The following USP6NL variants were observed in gnomAD, a reference collection of about 807,000 sequenced individuals.
USP6NL encodes the protein USP6 N-terminal like, also known as USP6 N-terminal-like protein.
USP6NL carries 26 observed loss-of-function variants against 61.9 expected under a neutral mutation model. The observed-to-expected ratio is 0.42, with a 90% confidence interval of 0.31 to 0.58. The LOEUF (loss-of-function observed/expected upper bound fraction) is 0.58. Among genes scored for constraint, USP6NL ranks in the 20% least tolerant of loss-of-function variants. The probability of loss-of-function intolerance (pLI) is 0.16; values close to 1 mark genes in which losing one functional copy is unlikely to be tolerated. For missense variants in USP6NL, 1,114 were observed against 1,034.3 expected, an observed-to-expected ratio of 1.08 and a Z score of -1.06; for synonymous variants, 432 against 390.1, an observed-to-expected ratio of 1.11 and a Z score of -1.27.
intron 14 of USP6NL, among the ~76,000 whole-genome samples, chr10:11,475,339 GGCTCA>G (rs1308863914): frequency 6.6e-6 from 1 of 151,382 alleles, no homozygotes; most frequent in Non-Finnish European, 1.5e-5. Context: ...TGGGTGCGGT[GGCTCA>G]CGCCTGTAAT....
rs546539798 is a variant in USP6NL at position 11,499,686 on chromosome 10, T to G, written c.384+1415A>C. On this transcript the variant is annotated intron_variant, in intron 7 of 14. Coordinates refer to ENST00000609104, the MANE Select transcript of USP6NL (RefSeq NM_014688.5). The surrounding 1 kb of genome is among the most constrained non-coding windows in gnomAD (Gnocchi z 4.5). ...CGATGCCAAAATGCACTAAGGATGG[T>G]AGGCCACCACCAGAGGCTGGAGGAG... 1.3e-5 allele frequency among the ~76,000 whole-genome samples: 2 copies of G among 152,252 alleles called. No homozygotes were observed. The highest frequency in any genetic ancestry group is 3.9e-4 in the East Asian group (2 of 5,176).
At position 11,562,308 on chromosome 10, in the gene USP6NL, G is replaced by A. The variant is rs1836972091; in HGVS notation, c.5-34741C>T. On this transcript the variant is annotated intron_variant, in intron 2 of 14. Coordinates refer to ENST00000609104, the MANE Select transcript of USP6NL (RefSeq NM_014688.5). The surrounding 1 kb of genome is among the most constrained non-coding windows in gnomAD (Gnocchi z 4.8). ...CATTCCCAGGACCCCCCTGCAGCTA[G>A]CAGCAGCCATGTGACACAGTTCCGG... The A allele has an allele frequency of 1.2e-6, 1 of 852,332 alleles. No individual in the cohort carries two copies. The highest frequency in any genetic ancestry group is 1.8e-5 in the African/African-American group (1 of 54,502). The allele number at this position is 852,332 out of a possible 1,614,324, so 52.8% of individuals were successfully genotyped here. A position where few individuals can be genotyped will look rare whatever the true frequency, so the allele number is the denominator to read the frequency against.
chr10:11,484,799 A>G (rs1747760680), intron 13 of USP6NL, among the ~76,000 whole-genome samples, 172 bp downstream of exon 13: 1 of 152,248 alleles, frequency 6.6e-6, no homozygotes, highest in Non-Finnish European at 1.5e-5. Flanking sequence ...AGTCATGAGA[A>G]AGAACTTACA....
In USP6NL at chr10:11,461,088, G is replaced by A. The variant is rs572477933; in HGVS notation, c.*1353C>T. 4.7e-4 allele frequency: 72 copies of A among 152,518 alleles called. 1 individual carries two copies. The highest frequency in any genetic ancestry group is 1.0e-3 in the Non-Finnish European group (68 of 68,022). 9.4% of individuals were successfully genotyped at this position (152,518 alleles called of 1,614,324 possible). On this transcript the variant is annotated 3_prime_UTR_variant, in exon 15 of 15. Coordinates refer to ENST00000609104, the MANE Select transcript of USP6NL (RefSeq NM_014688.5). ...CCTTGCAACAGGAAGAAACATCAAT[G>A]TCGGGTTTTCTACTATTCAAATATA...
chr10:11,569,261 A>C (rs1837275336), intron 2 of USP6NL, among the ~76,000 whole-genome samples: 1 of 152,182 alleles, frequency 6.6e-6, no homozygotes, highest in African/African-American at 2.4e-5. Flanking sequence ...AAATATCTGA[A>C]AGGGTTCATT....
At chr10:11,568,718 C>T (rs1837256462) in intron 2 of USP6NL, among the ~76,000 whole-genome samples, 1 of 152,164 alleles carries the variant, frequency 6.6e-6, no homozygotes, top group Non-Finnish European at 1.5e-5. Context: ...AGAAGACTAG[C>T]CTCCTATGTT....
At chr10:11,582,222 TC>T (rs36074584) in intron 2 of USP6NL, among the ~76,000 whole-genome samples, 6 of 152,256 alleles carry the variant, frequency 3.9e-5, no homozygotes, top group African/African-American at 1.4e-4. Flanking sequence ...CAACTGGGCC[TC>T]CCAAAGTGCT....
intron 7 of USP6NL, among the ~76,000 whole-genome samples, chr10:11,500,518 C>A (rs1215426076): frequency 6.6e-6 from 1 of 152,032 alleles, no homozygotes; most frequent in East Asian, 1.9e-4. Context: ...GGTATAGCTA[C>A]GAGATGACAA....
In USP6NL at chr10:11,562,223, C is replaced by G. The variant is rs966909138; in HGVS notation, c.5-34656G>C. On this transcript the variant is annotated intron_variant, in intron 2 of 14. Coordinates refer to ENST00000609104, the MANE Select transcript of USP6NL (RefSeq NM_014688.5). This position sits in a 1 kb window ranked among gnomAD's most constrained non-coding sequence, Gnocchi z 4.8. ...GTTGCAGTGAGCCGAGATCGCACCA[C>G]TGCACGCCAGCCTGGCGGACAGTGC... Among the ~76,000 whole-genome samples the G allele has an allele frequency of 1.3e-5, 2 of 150,796 alleles. No individual in the cohort carries two copies. The highest frequency in any genetic ancestry group is 4.9e-5 in the African/African-American group (2 of 40,938).
At chr10:11,503,241 C>G (rs1022401984) in intron 6 of USP6NL, among the ~76,000 whole-genome samples, 1 of 152,016 alleles carries the variant, frequency 6.6e-6, no homozygotes, top group Non-Finnish European at 1.5e-5. Context: ...TCAGTGGACC[C>G]GAACAAGTAA....
chr10:11,497,293 C>T (rs1381684929), intron 7 of USP6NL, among the ~76,000 whole-genome samples: 5 of 150,914 alleles, frequency 3.3e-5, no homozygotes, highest in Non-Finnish European at 7.4e-5. Flanking sequence ...CACCTGTAGT[C>T]CCAGCTACTC....
rs988467631 is a variant in USP6NL at position 11,492,807 on chromosome 10, T to A, written c.494+312A>T. 2.6e-5 allele frequency among the ~76,000 whole-genome samples: 4 copies of A among 152,238 alleles called. No individual in the cohort carries two copies. The East Asian group carries it at 7.7e-4, about 29-fold the overall frequency. On this transcript the variant is annotated intron_variant, in intron 8 of 14. Coordinates refer to ENST00000609104, the MANE Select transcript of USP6NL (RefSeq NM_014688.5). Reference sequence around the variant, plus strand: ...GGTCAAGGTTATAGAGATACATTGATCACTGACAAAGTTTTTACACACACT... The same window carrying A: ...GGTCAAGGTTATAGAGATACATTGAACACTGACAAAGTTTTTACACACACT...
chr10:11,601,747 T>C (rs941326635), intron 1 of USP6NL, among the ~76,000 whole-genome samples: 1 of 152,232 alleles, frequency 6.6e-6, no homozygotes, highest in African/African-American at 2.4e-5. Flanking sequence ...GTGATAGCCA[T>C]TCCAACACAA....
rs1838190312 is a variant in USP6NL at position 11,592,611 on chromosome 10, A to G, written c.4+5020T>C. 6.6e-6 allele frequency among the ~76,000 whole-genome samples: 1 copy of G among 152,256 alleles called. No individual in the cohort carries two copies. Among genetic ancestry groups the G allele is most frequent in the Non-Finnish European group, 1.5e-5 (1 of 68,040 alleles). ...TTTAAGATTCCATTAAATAACAGAC[A>G]TGCTGGCATTTCAAAGACAATTCAA... On this transcript the variant is annotated intron_variant, in intron 2 of 14. Coordinates refer to ENST00000609104, the MANE Select transcript of USP6NL (RefSeq NM_014688.5). The surrounding 1 kb of genome is among the most constrained non-coding windows in gnomAD (Gnocchi z 4.7).
chr10:11,526,588 GAA>G (rs1281108449), intron 3 of USP6NL, among the ~76,000 whole-genome samples: 1 of 152,160 alleles, frequency 6.6e-6, no homozygotes, highest in Non-Finnish European at 1.5e-5. Context: ...TGAACTCTGG[GAA>G]CATAACTGCT....
At chr10:11,558,333 T>C (rs1836796308) in intron 2 of USP6NL, among the ~76,000 whole-genome samples, 1 of 152,234 alleles carries the variant, frequency 6.6e-6, no homozygotes, top group Non-Finnish European at 1.5e-5. Flanking sequence ...TCCGAAGTTC[T>C]GGCCCTTACT....
rs544784563 is a variant in USP6NL, at chr10:11,481,155, C to G, written c.1078+615G>C. 1.3e-5 allele frequency among the ~76,000 whole-genome samples: 2 copies of G among 152,256 alleles called. No homozygotes were observed. The highest frequency in any genetic ancestry group is 4.2e-4 in the South Asian group (2 of 4,818). ...TCATCTTTCTCTTCAGTTCTTAAAT[C>G]CCCAGCAAAGTAGTACCTAGCAGAA... On this transcript the variant is annotated intron_variant, in intron 14 of 14. Transcript: ENST00000609104. This position sits in a 1 kb window ranked among gnomAD's most constrained non-coding sequence, Gnocchi z 4.4.
chr10:11,494,783 G>C (rs7924246), intron 7 of USP6NL, among the ~76,000 whole-genome samples: 508 of 152,286 alleles, frequency 3.3e-3, no homozygotes, highest in African/African-American at 0.012. Flanking sequence ...GCTTATTAGA[G>C]ACTTTTAGTA....
chr10:11,556,820 T>C (rs541966183), intron 2 of USP6NL, among the ~76,000 whole-genome samples: 4 of 152,292 alleles, frequency 2.6e-5, no homozygotes, highest in African/African-American at 4.8e-5. Context: ...TAATGGAAGA[T>C]TGTAATACAT....
Sources: gnomAD v4.1 joint callset for allele counts (sites outside exome capture counted in the v4.1 genomes callset) on GRCh38, gnomAD v4.1.1 for gene constraint, Gnocchi (gnomAD v3.1) non-coding constraint, MANE v1.5 for transcripts, NCBI Gene and HGNC (gene_info 2026-07-23, HGNC 2026-07-21) for gene names.